Variants in VPS8 observed in about 807,000 individuals in gnomAD.
VPS8 encodes the protein VPS8 subunit of CORVET complex, also known as vacuolar protein sorting-associated protein 8 homolog.
In VPS8, 129 loss-of-function variants were observed where a neutral mutation model predicts 216.4. The observed-to-expected ratio is 0.60, with a 90% CI of 0.52 to 0.69. The LOEUF is 0.69. Ranked by LOEUF, VPS8 falls within the 30% of genes least tolerant of loss-of-function variation. The probability of loss-of-function intolerance (pLI) is 0.00; values close to 1 mark genes in which losing one functional copy is unlikely to be tolerated. For synonymous variants in VPS8, 571 were observed against 565.4 expected, an observed-to-expected ratio of 1.01 and a Z score of -0.14; for missense variants, 1,531 against 1,683.5, an observed-to-expected ratio of 0.91 and a Z score of 1.59.
chr3:184,977,797 A>G (rs759190064), intron 40 of VPS8, among the ~76,000 whole-genome samples: 29 of 137,510 alleles, frequency 2.1e-4, no homozygotes, highest in Non-Finnish European at 4.3e-4. Context: ...GCTTTTGGAT[A>G]TGTTGCTGGA....
chr3:184,827,434 T>C (rs1719032207), intron 3 of VPS8, among the ~76,000 whole-genome samples: 1 of 152,218 alleles, frequency 6.6e-6, no homozygotes, highest in African/African-American at 2.4e-5. Context: ...GAAAGAATAT[T>C]CTGTTACAGT....
intron 10 of VPS8, among the ~76,000 whole-genome samples, chr3:184,852,206 C>G (rs1158070586): frequency 6.6e-6 from 1 of 152,000 alleles, no homozygotes. Context: ...TTGTAAGAAC[C>G]CAAATAGAGA....
At chr3:185,049,010 G>A (rs972334761) in intron 47 of VPS8, among the ~76,000 whole-genome samples, 1 of 152,206 alleles carries the variant, frequency 6.6e-6, no homozygotes, top group African/African-American at 2.4e-5. Flanking sequence ...CAGCCAGCCA[G>A]GGCACATCCA....
intron 46 of VPS8, among the ~76,000 whole-genome samples, chr3:185,036,398 G>C (rs1758889461): frequency 6.6e-6 from 1 of 152,136 alleles, no homozygotes; most frequent in Admixed American, 6.5e-5. Context: ...GCTTGGTACT[G>C]TTACAAAACA....
rs951204530 is a variant in VPS8, at chr3:184,856,304, T to C, written c.1143+486T>C. Among the ~76,000 whole-genome samples, 5 of 152,224 alleles carry C rather than the reference T, an allele frequency of 3.3e-5. No homozygotes were observed. The East Asian group carries it at 9.6e-4, about 29-fold the overall frequency. ...ACAGAAAATGGTTTAAGGATTGAACTATGTGATGAAAATCAAGCTGATGTA... is the reference window on the plus strand; with the variant it reads ...ACAGAAAATGGTTTAAGGATTGAACCATGTGATGAAAATCAAGCTGATGTA... On this transcript the variant is annotated intron_variant, in intron 14 of 47. Coordinates refer to ENST00000625842, the MANE Select transcript of VPS8 (RefSeq NM_001009921.3).
Position 185,024,350 on chromosome 3 carries a change from A to G in VPS8, c.4017A>G (p.Pro1339=). The G allele has an allele frequency of 1.3e-6, 2 of 1,596,024 alleles. No homozygotes were observed. Among genetic ancestry groups the G allele is most frequent in the South Asian group, 2.3e-5 (2 of 87,536 alleles). The change falls in exon 46 of 48, where the codon CCA becomes CCG. Residue 1339 remains proline, a synonymous_variant. Transcript: ENST00000625842. ...RITPSQVKMS[P]SYHQSKGDPT... ...TTTTTTTCCAGGTAAAAATGTCTCC[A>G]TCGTATCATCAGTCCAAAGGGGATC...
chr3:184,968,089 ATT>A (rs1252154368), intron 39 of VPS8, among the ~76,000 whole-genome samples: 5 of 151,940 alleles, frequency 3.3e-5, no homozygotes, highest in African/African-American at 1.2e-4. Flanking sequence ...TTTTTTCACC[ATT>A]CTTTTTCTGA....
chr3:184,916,792 A>G (rs2109100056), intron 28 of VPS8, among the ~76,000 whole-genome samples: 1 of 152,288 alleles, frequency 6.6e-6, no homozygotes, highest in East Asian at 1.9e-4. Flanking sequence ...GTTAGAGAAA[A>G]CAAAGAACTT....
Position 184,868,968 on chromosome 3 carries a change from A to G in VPS8, c.1529A>G (p.Gln510Arg). 1 of 1,610,194 alleles carries G rather than the reference A, an allele frequency of 6.2e-7. No homozygotes were observed. The highest frequency in any genetic ancestry group is 8.5e-7 in the Non-Finnish European group (1 of 1,178,322). The change falls in exon 19 of 48, where the codon CAA becomes CGA. Residue 510 changes from glutamine (Q) to arginine (R), a missense_variant. Around this residue, in one of 3 missense-constraint regions of VPS8, gnomAD observed 1,318 missense variants for 1,468.4 expected, o/e 0.90. Transcript: ENST00000625842. ...TAGAGAGTGGATCATCTCCTGAAAC[A>G]AGATTGTCTTACAGAAGCGTTGGCT... is the stretch of plus-strand genomic sequence containing the variant. ...WRERVDHLLK[Q>R]DCLTEALALA...
chr3:185,002,302 A>C (rs1753522948), intron 45 of VPS8, among the ~76,000 whole-genome samples: 1 of 152,050 alleles, frequency 6.6e-6, no homozygotes, highest in Non-Finnish European at 1.5e-5. Context: ...AATTGGTGTA[A>C]AATTTTGAAA....
chr3:184,829,674 C>T (rs1431970256), intron 3 of VPS8, among the ~76,000 whole-genome samples: 3 of 152,150 alleles, frequency 2.0e-5, no homozygotes, highest in African/African-American at 4.8e-5. Context: ...TTACTATATC[C>T]TTGTAAACGT....
chr3:184,893,349 A>G (rs1732735608), intron 22 of VPS8: 2 of 1,256,596 alleles, frequency 1.6e-6, no homozygotes, highest in Non-Finnish European at 2.1e-6. Context: ...ACCACTTTCT[A>G]CAATTGACAT....
intron 21 of VPS8, 80 bp from the exon 22 acceptor site, chr3:184,886,030 A>T: frequency 6.8e-7 from 1 of 1,471,742 alleles, no homozygotes; most frequent in African/African-American, 1.4e-5. Flanking sequence ...ATCTAAAAGC[A>T]TCTTAAGCAG....
chr3:184,868,948 A>G lies in VPS8; in HGVS notation c.1509A>G (p.Arg503=), dbSNP rs755022554. 4.4e-6 allele frequency: 7 copies of G among 1,606,002 alleles called. No homozygotes were observed. The highest frequency in any genetic ancestry group is 1.1e-5 in the South Asian group (1 of 89,136). ...TTTCTCTCATTTTTCCGTTTTAGAG[A>G]GTGGATCATCTCCTGAAACAAGATT... ...YVMMLRSWRE[R]VDHLLKQDCL... Residue 503 remains arginine, a splice_region_variant and synonymous_variant, in exon 19 of 48, where the codon AGA becomes AGG. Coordinates refer to ENST00000625842, the MANE Select transcript of VPS8 (RefSeq NM_001009921.3).
intron 45 of VPS8, among the ~76,000 whole-genome samples, chr3:185,004,496 G>A (rs1315622036): frequency 6.6e-6 from 1 of 150,746 alleles, no homozygotes; most frequent in African/African-American, 2.4e-5. Context: ...GAGACCGTGG[G>A]GAGAGGGAGA....
intron 36 of VPS8, among the ~76,000 whole-genome samples, chr3:184,957,052 G>A (rs12636792): frequency 0.23 from 34,444 of 152,130 alleles, 4,870 homozygotes; most frequent in East Asian, 0.63. Flanking sequence ...AGAGATCAAA[G>A]TATTAGGACT....
chr3:184,917,707 A>G (rs1356149818), intron 28 of VPS8, among the ~76,000 whole-genome samples: 6 of 152,368 alleles, frequency 3.9e-5, no homozygotes, highest in East Asian at 1.9e-4. Flanking sequence ...CACCTGGCCA[A>G]AATTTGGACT....
At chr3:184,936,528 T>TGTGTGC (rs1162023114) in intron 35 of VPS8, among the ~76,000 whole-genome samples, 193 bp downstream of exon 35, 1 of 138,622 alleles carries the variant, frequency 7.2e-6, no homozygotes, top group Non-Finnish European at 1.6e-5. Flanking sequence ...TGTGTGTGTG[T>TGTGTGC]GTGTGTGTGT....
chr3:184,895,667 T>C (rs1340651204), intron 23 of VPS8, among the ~76,000 whole-genome samples: 1 of 79,484 alleles, frequency 1.3e-5, no homozygotes, highest in East Asian at 4.5e-4. Context: ...AAAGACAGAG[T>C]TTCGCTCTGT....
Sources: gnomAD v4.1 joint callset for allele counts (sites outside exome capture counted in the v4.1 genomes callset) on GRCh38, gnomAD v4.1.1 for gene constraint, gnomAD v4.1.1 regional missense constraint, MANE v1.5 for transcripts, NCBI Gene and HGNC (gene_info 2026-07-23, HGNC 2026-07-21) for gene names.